The following LRP1B variants were observed in gnomAD, a reference collection of about 807,000 sequenced individuals.
LRP1B encodes LDL receptor related protein 1B, also known as low-density lipoprotein receptor-related protein 1B.
In LRP1B, 217 loss-of-function variants were observed where a neutral mutation model predicts 556.6. The observed-to-expected ratio is 0.39, with a 90% CI of 0.35 to 0.44. The LOEUF (loss-of-function observed/expected upper bound fraction) is 0.44. Among genes scored for constraint, LRP1B ranks in the 20% least tolerant of loss-of-function variants. LRP1B has a pLI of 1.00. For synonymous variants in LRP1B, 2,047 were observed against 1,865.8 expected (o/e 1.10, Z -2.50); for missense variants, 5,053 against 5,620.8 (o/e 0.90, Z 3.23).
At chr2:140,628,256 C>T (rs190953852) in intron 41 of LRP1B, among the ~76,000 whole-genome samples, 286 of 152,202 alleles carry the variant, frequency 1.9e-3, no homozygotes, top group African/African-American at 6.6e-3. Flanking sequence ...TCTGGCTGGG[C>T]GCAGTGGCTC....
intron 7 of LRP1B, among the ~76,000 whole-genome samples, chr2:141,122,100 T>A (rs1429883572): frequency 6.6e-6 from 1 of 152,082 alleles, no homozygotes; most frequent in East Asian, 1.9e-4. Flanking sequence ...AAAAATTAAT[T>A]CAAGATGGAT....
chr2:140,554,014 A>G (rs911287553), intron 43 of LRP1B, among the ~76,000 whole-genome samples: 2 of 152,090 alleles, frequency 1.3e-5, no homozygotes, highest in African/African-American at 2.4e-5. Context: ...AAGAAGGAGG[A>G]TAGAGAAAAG....
intron 25 of LRP1B, among the ~76,000 whole-genome samples, chr2:140,880,087 A>G (rs1470498972): frequency 6.6e-6 from 1 of 152,114 alleles, no homozygotes; most frequent in African/African-American, 2.4e-5. Context: ...CACAATTACT[A>G]CTTCTACTTT....
intron 3 of LRP1B, among the ~76,000 whole-genome samples, chr2:141,329,392 A>G (rs1240000792): frequency 6.7e-6 from 1 of 149,036 alleles, no homozygotes; most frequent in Non-Finnish European, 1.5e-5. Context: ...CCGTCAAAAA[A>G]AAAAAAAAAA....
chr2:141,496,689 T>C (rs1574013726), intron 2 of LRP1B, among the ~76,000 whole-genome samples: 1 of 152,040 alleles, frequency 6.6e-6, no homozygotes. Flanking sequence ...GAAGAGCATA[T>C]GCATTCATAG....
Position 141,466,257 on chromosome 2 carries a change from T to G in LRP1B, c.343+14139A>C, listed in dbSNP as rs1047112061. On this transcript the variant is annotated intron_variant, in intron 3 of 90. Transcript: ENST00000389484. The stretch of plus-strand genomic sequence containing the variant: ...ATACTGTCCAAACCTATTCTTTTAC[T>G]GGTAATCAAAGCCACAGAGTTAATT... Among the ~76,000 whole-genome samples the G allele has an allele frequency of 3.3e-5, 5 of 152,196 alleles. 1 individual carries two copies. The highest frequency in any genetic ancestry group is 2.6e-4 in the Admixed American group (4 of 15,286).
intron 31 of LRP1B, among the ~76,000 whole-genome samples, chr2:140,837,401 T>C (rs1559148234): frequency 6.6e-6 from 1 of 152,222 alleles, no homozygotes; most frequent in Non-Finnish European, 1.5e-5. Context: ...AATCTATTTA[T>C]TGAATAAATG....
At chr2:141,273,195 G>C (rs531682393) in intron 3 of LRP1B, among the ~76,000 whole-genome samples, 1 of 152,106 alleles carries the variant, frequency 6.6e-6, no homozygotes, top group Non-Finnish European at 1.5e-5. Context: ...TGTACTCCCA[G>C]CTACTTGGGA....
chr2:142,107,618 C>G (rs10166768), intron 1 of LRP1B, among the ~76,000 whole-genome samples: 74,713 of 151,242 alleles, frequency 0.49, 18,769 homozygotes, highest in East Asian at 0.69. Context: ...AATAATGTGT[C>G]TTTTGTTTTG....
intron 35 of LRP1B, among the ~76,000 whole-genome samples, chr2:140,765,920 G>A (rs117802173): frequency 1.3e-5 from 2 of 151,988 alleles, no homozygotes; most frequent in Admixed American, 6.6e-5. Context: ...GCTAAATGAC[G>A]AGTTAATGGG....
At chr2:141,270,107 A>G (rs1685034237) in intron 3 of LRP1B, among the ~76,000 whole-genome samples, 1 of 152,248 alleles carries the variant, frequency 6.6e-6, no homozygotes. Flanking sequence ...ACAAAAGAGC[A>G]CCTAGTTTAA....
At chr2:140,383,289 T>TGTGC (rs1165420715) in intron 67 of LRP1B, among the ~76,000 whole-genome samples, 2 of 139,220 alleles carry the variant, frequency 1.4e-5, no homozygotes, top group Non-Finnish European at 3.1e-5. Context: ...AGGACAGTGA[T>TGTGC]GTGCGTGTGT....
chr2:141,642,005 A>AAAC (rs1689354324), intron 2 of LRP1B, among the ~76,000 whole-genome samples: 3 of 140,008 alleles, frequency 2.1e-5, no homozygotes, highest in Admixed American at 1.5e-4. Flanking sequence ...ACAAACAAAC[A>AAAC]AAACCCCCCC....
rs2105321973 is a variant in LRP1B at position 140,456,525 on chromosome 2, C to G, written c.9893G>C (p.Cys3298Ser). ...CLLAPGKTHT[C>S]ACPTNFYLAA... ...CAGATAGAAGTTAGTGGGACATGCACAAGTGTGGGTTTTTCCAGGGGCTAA... is the reference window on the plus strand; with the variant it reads ...CAGATAGAAGTTAGTGGGACATGCAGAAGTGTGGGTTTTTCCAGGGGCTAA... The change falls in exon 62 of 91, where the codon TGT becomes TCT. Residue 3298 changes from cysteine (C) to serine (S), a missense_variant. Cys to Ser is a moderately radical substitution (Grantham distance 112). Transcript: ENST00000389484. 6.2e-7 allele frequency: 1 copy of G among 1,613,422 alleles called. No homozygotes were observed. The highest frequency in any genetic ancestry group is 8.5e-7 in the Non-Finnish European group (1 of 1,179,564).
At chr2:141,960,746 T>A (rs1701380540) in intron 1 of LRP1B, among the ~76,000 whole-genome samples, 1 of 151,898 alleles carries the variant, frequency 6.6e-6, no homozygotes, top group Non-Finnish European at 1.5e-5. Context: ...GGAAATTGCA[T>A]TCTGCAAAGA....
At chr2:141,225,128 G>A (rs946040872) in intron 6 of LRP1B, among the ~76,000 whole-genome samples, 2 of 152,024 alleles carry the variant, frequency 1.3e-5, no homozygotes, top group Non-Finnish European at 2.9e-5. Flanking sequence ...CTGTGAATGG[G>A]GTTAATTCAG....
intron 41 of LRP1B, among the ~76,000 whole-genome samples, chr2:140,633,989 A>C (rs982166599): frequency 3.3e-5 from 5 of 152,178 alleles, no homozygotes; most frequent in African/African-American, 7.2e-5. Flanking sequence ...GTATAAAGAC[A>C]TTATAAGAAA....
chr2:140,238,069 A>C, intron 89 of LRP1B, 83 bp downstream of exon 89: 1 of 1,245,624 alleles, frequency 8.0e-7, no homozygotes, highest in Middle Eastern at 2.0e-4. Flanking sequence ...TAACAGAAAA[A>C]CTTGGTGAAA....
intron 3 of LRP1B, among the ~76,000 whole-genome samples, chr2:141,325,377 AT>A (rs1319133156): frequency 6.6e-6 from 1 of 152,104 alleles, no homozygotes; most frequent in East Asian, 1.9e-4. Flanking sequence ...AGTTAAATAT[AT>A]TTTTAAATAA....
Sources: allele counts gnomAD v4.1 joint callset (sites outside exome capture counted in the v4.1 genomes callset), GRCh38; gene constraint gnomAD v4.1.1; transcripts MANE v1.5; gene names NCBI Gene and HGNC (gene_info 2026-07-23, HGNC 2026-07-21).